Variants in SP100 observed in about 807,000 individuals in gnomAD.
SP100 encodes SP100 nuclear body protein, also known as nuclear autoantigen Sp-100.
A neutral mutation model predicts 130.0 loss-of-function variants in SP100; 84 were observed. That is an observed-to-expected ratio of 0.65 (90% CI 0.54 to 0.77). The LOEUF is 0.77. Among genes scored for constraint, SP100 ranks in the 30% least tolerant of loss-of-function variants. The probability of loss-of-function intolerance (pLI) is 0.00; values close to 1 mark genes in which losing one functional copy is unlikely to be tolerated. For synonymous variants in SP100, 331 were observed against 351.7 expected, an observed-to-expected ratio of 0.94 and a Z score of 0.66; for missense variants, 978 against 1,052.2, an observed-to-expected ratio of 0.93 and a Z score of 0.97.
chr2:230,502,966 C>A (rs2067119833), intron 19 of SP100, 100 bp from the exon 20 acceptor site: 2 of 906,898 alleles, frequency 2.2e-6, no homozygotes, highest in South Asian at 1.7e-5. Context: ...TCTTTAAGTT[C>A]TAGACAGGAT....
At chr2:230,485,232 C>T (rs2066016978) in intron 17 of SP100, among the ~76,000 whole-genome samples, 1 of 152,214 alleles carries the variant, frequency 6.6e-6, no homozygotes, top group Non-Finnish European at 1.5e-5. Flanking sequence ...GGATGACAGG[C>T]ATGAGCTACC....
chr2:230,501,780 C>T (rs2067042068), intron 19 of SP100, among the ~76,000 whole-genome samples: 1 of 152,204 alleles, frequency 6.6e-6, no homozygotes, highest in African/African-American at 2.4e-5. Flanking sequence ...CTTCAGCAAA[C>T]ACGTTTGAAC....
chr2:230,448,529 T>G lies in SP100; in HGVS notation c.524-559T>G, dbSNP rs548217833. ...AGCCTGCATTCCTAACCCTGTGCTA[T>G]CCAGGCAATCTAAAAAAATAAAAAC... On this transcript the variant is annotated intron_variant, in intron 5 of 28. Transcript: ENST00000340126. 3.3e-5 allele frequency among the ~76,000 whole-genome samples: 5 copies of G among 152,034 alleles called. No individual in the cohort carries two copies. In the East Asian group the frequency reaches 7.7e-4, roughly 23 times the overall value.
chr2:230,494,966 A>G (rs1359025753), intron 18 of SP100, among the ~76,000 whole-genome samples: 1 of 152,220 alleles, frequency 6.6e-6, no homozygotes, highest in African/African-American at 2.4e-5. Context: ...ATGGGTGACA[A>G]ATAGCAATAT....
At chr2:230,439,892 T>G (rs186279382) in intron 2 of SP100, among the ~76,000 whole-genome samples, 241 of 152,278 alleles carry the variant, frequency 1.6e-3, no homozygotes, top group African/African-American at 5.6e-3. Flanking sequence ...TTGTTTTATC[T>G]CTCTAAAAAT....
intron 24 of SP100, among the ~76,000 whole-genome samples, chr2:230,533,482 TAACC>T (rs1372109249): frequency 6.6e-6 from 1 of 152,232 alleles, no homozygotes; most frequent in African/African-American, 2.4e-5. Context: ...AATGTCCTCT[TAACC>T]AATCCTTGTG....
chr2:230,506,987 C>T (rs114512599), intron 22 of SP100: 300 of 152,586 alleles, frequency 2.0e-3, no homozygotes, highest in Non-Finnish European at 3.4e-3. Context: ...AAAGCAGGCA[C>T]AGGGTCTTTG....
intron 10 of SP100, among the ~76,000 whole-genome samples, chr2:230,463,459 G>A (rs73998812): frequency 0.029 from 4,438 of 152,170 alleles, 85 homozygotes; most frequent in Middle Eastern, 0.034. Flanking sequence ...ACTAGGGAAA[G>A]ACCTAAGAGC....
At chr2:230,417,563 A>G in intron 1 of SP100, 28 bp from the exon 2 acceptor site, 1 of 1,606,004 alleles carries the variant, frequency 6.2e-7, no homozygotes, top group Non-Finnish European at 8.5e-7. Context: ...CCAGTTATTT[A>G]CTTGGTCCTG....
intron 11 of SP100, among the ~76,000 whole-genome samples, chr2:230,465,098 T>A (rs977400657): frequency 6.6e-6 from 1 of 152,174 alleles, no homozygotes; most frequent in East Asian, 1.9e-4. Context: ...TAGCCAGGCA[T>A]GGTGGCGCTT....
intron 17 of SP100, among the ~76,000 whole-genome samples, chr2:230,493,071 A>G (rs2066474118): frequency 1.3e-5 from 2 of 152,302 alleles, no homozygotes; most frequent in East Asian, 3.9e-4. Context: ...CACAGGGTGA[A>G]GAGATAGGTA....
Position 230,447,302 on chromosome 2 carries a change from C to T in SP100, c.523+400C>T, listed in dbSNP as rs146579291. Reference sequence around the variant, plus strand: ...TTTACCTGTACTGTCATATTCACAACACTTCTGACACCAAACATGTCGGTG... The same window carrying T: ...TTTACCTGTACTGTCATATTCACAATACTTCTGACACCAAACATGTCGGTG... On this transcript the variant is annotated intron_variant, in intron 5 of 28. Transcript: ENST00000340126. Among the ~76,000 whole-genome samples the T allele has an allele frequency of 2.6e-5, 4 of 152,336 alleles. No individual in the cohort carries two copies. The East Asian group carries it at 7.7e-4, about 29-fold the overall frequency.
intron 11 of SP100, among the ~76,000 whole-genome samples, chr2:230,465,772 GC>G (rs1289434537): frequency 2.6e-5 from 4 of 152,010 alleles, no homozygotes; most frequent in Non-Finnish European, 4.4e-5. Flanking sequence ...TTAAAAAGAG[GC>G]ATTTCCAAAT....
intron 2 of SP100, among the ~76,000 whole-genome samples, chr2:230,442,722 T>A (rs78925198): frequency 0.013 from 1,985 of 152,316 alleles, 59 homozygotes; most frequent in African/African-American, 0.046. Context: ...AGACAGAACT[T>A]TTTCAGTCCT....
intron 18 of SP100, 121 bp from the exon 19 acceptor site, chr2:230,498,340 A>G (rs1257538483): frequency 6.4e-6 from 3 of 466,718 alleles, no homozygotes; most frequent in South Asian, 5.3e-5. Context: ...TATGTGTTAC[A>G]TATTTTTCTT....
chr2:230,510,929 T>C (rs1032231087), intron 23 of SP100, 196 bp from the exon 24 acceptor site: 1 of 606,922 alleles, frequency 1.6e-6, no homozygotes, highest in Non-Finnish European at 2.9e-6. Flanking sequence ...GGCACTTGCA[T>C]TGGGCCAAAC....
chr2:230,480,532 AT>A (rs1201103331), intron 17 of SP100, among the ~76,000 whole-genome samples: 2 of 152,150 alleles, frequency 1.3e-5, no homozygotes, highest in Non-Finnish European at 2.9e-5. Context: ...TCTTGACTAC[AT>A]GTTCTCAGTA....
At chr2:230,522,847 C>T (rs1418149178) in intron 24 of SP100, among the ~76,000 whole-genome samples, 3 of 151,846 alleles carry the variant, frequency 2.0e-5, no homozygotes, top group African/African-American at 4.8e-5. Flanking sequence ...CAGAGTCTCG[C>T]TCTGTTGCCC....
At chr2:230,482,546 C>T (rs1282194283) in intron 17 of SP100, among the ~76,000 whole-genome samples, 3 of 151,596 alleles carry the variant, frequency 2.0e-5, no homozygotes, top group Non-Finnish European at 4.4e-5. Flanking sequence ...TTTTTTTTCT[C>T]ATTTGGATAT....
Sources: gnomAD v4.1 joint callset for allele counts (sites outside exome capture counted in the v4.1 genomes callset) on GRCh38, gnomAD v4.1.1 for gene constraint, MANE v1.5 for transcripts, NCBI Gene and HGNC (gene_info 2026-07-23, HGNC 2026-07-21) for gene names.